Variants in EYS observed in about 807,000 individuals in gnomAD.
EYS encodes the protein protein eyes shut homolog.
A neutral mutation model predicts 282.1 loss-of-function variants in EYS; 250 were observed. The ratio of observed to expected loss-of-function variants is 0.89; its 90% CI spans 0.80 to 0.98. The LOEUF is 0.98. Ranked by LOEUF, EYS falls within the 50% of genes least tolerant of loss-of-function variation. EYS has a pLI of 0.00. For synonymous variants in EYS, 1,355 were observed against 1,282.9 expected, an observed-to-expected ratio of 1.06 and a Z score of -1.20; for missense variants, 4,016 against 3,709.0, an observed-to-expected ratio of 1.08 and a Z score of -2.15.
chr6:63,798,985 G>GTATATATC (rs1211498823), intron 37 of EYS, among the ~76,000 whole-genome samples: 1 of 87,570 alleles, frequency 1.1e-5, no homozygotes. Context: ...ATGTATATGT[G>GTATATATC]TGTATATATA....
chr6:64,546,115 C>T (rs1273473906), intron 26 of EYS, among the ~76,000 whole-genome samples: 2 of 152,180 alleles, frequency 1.3e-5, no homozygotes, highest in Non-Finnish European at 2.9e-5. Flanking sequence ...TACCTGACTT[C>T]AAACTATACT....
chr6:64,372,253 C>A (rs1365714627), intron 29 of EYS, among the ~76,000 whole-genome samples: 1 of 149,004 alleles, frequency 6.7e-6, no homozygotes, highest in Non-Finnish European at 1.5e-5. Context: ...ATTCTCTCAG[C>A]ATTTGATTGG....
intron 12 of EYS, among the ~76,000 whole-genome samples, chr6:65,085,380 A>C (rs1165935927): frequency 6.6e-6 from 1 of 152,102 alleles, no homozygotes; most frequent in East Asian, 1.9e-4. Context: ...ATGATTTCAT[A>C]TTTGAACCTC....
At chr6:64,732,110 A>G (rs1341888834) in intron 22 of EYS, among the ~76,000 whole-genome samples, 1 of 152,104 alleles carries the variant, frequency 6.6e-6, no homozygotes, top group Non-Finnish European at 1.5e-5. Flanking sequence ...GAGTTGAACA[A>G]TGAGAACACA....
intron 15 of EYS, among the ~76,000 whole-genome samples, chr6:64,928,877 C>T (rs1485783723): frequency 1.3e-5 from 2 of 151,972 alleles, no homozygotes; most frequent in East Asian, 1.9e-4. Context: ...GAATATGTTT[C>T]TATGCAGTTC....
chr6:64,590,072 A>G (rs1307813886), intron 26 of EYS, 151 bp downstream of exon 26: 9 of 640,238 alleles, frequency 1.4e-5, no homozygotes, highest in Admixed American at 6.0e-5. Flanking sequence ...TGTGTCAGGT[A>G]CAACAGCAGG....
chr6:64,348,494 C>T (rs989287887), intron 29 of EYS, among the ~76,000 whole-genome samples: 1 of 151,386 alleles, frequency 6.6e-6, no homozygotes, highest in African/African-American at 2.4e-5. Flanking sequence ...CTGAAATTGC[C>T]AAACACTGTG....
At chr6:63,987,825 AT>A (rs1408209880) in intron 34 of EYS, among the ~76,000 whole-genome samples, 1 of 151,622 alleles carries the variant, frequency 6.6e-6, no homozygotes, top group East Asian at 1.9e-4. Context: ...GCCCAGCAAT[AT>A]TGCTTTACAT....
chr6:63,992,394 A>G (rs1767644202), intron 34 of EYS, among the ~76,000 whole-genome samples: 1 of 151,728 alleles, frequency 6.6e-6, no homozygotes, highest in Non-Finnish European at 1.5e-5. Context: ...TGCTAACTTT[A>G]GGAATTTAGA....
At chr6:63,968,184 C>T (rs1188578362) in intron 35 of EYS, among the ~76,000 whole-genome samples, 1 of 152,104 alleles carries the variant, frequency 6.6e-6, no homozygotes, top group Non-Finnish European at 1.5e-5. Context: ...TTTAATTTGA[C>T]ATTTATCTGC....
chr6:65,526,119 G>A (rs1451491629), intron 2 of EYS, among the ~76,000 whole-genome samples: 2 of 152,166 alleles, frequency 1.3e-5, no homozygotes, highest in African/African-American at 4.8e-5. Context: ...GAGAGCAATA[G>A]CATGTCAGTT....
intron 36 of EYS, among the ~76,000 whole-genome samples, chr6:63,830,769 T>C (rs1771609141): frequency 1.3e-5 from 2 of 152,162 alleles, no homozygotes; most frequent in African/African-American, 4.8e-5. Flanking sequence ...AATTGTCAGA[T>C]TCACCAAAGT....
intron 12 of EYS, among the ~76,000 whole-genome samples, chr6:65,093,112 C>T (rs1774623290): frequency 6.6e-6 from 1 of 151,894 alleles, no homozygotes; most frequent in Non-Finnish European, 1.5e-5. Context: ...CAGCAGAAAC[C>T]TTTCAGGCAA....
rs149541842 is a variant in EYS at position 65,315,427 on chromosome 6, T to A, written c.1767-19308A>T. On this transcript the variant is annotated intron_variant, in intron 11 of 42. Transcript: ENST00000503581. The stretch of plus-strand genomic sequence containing the variant: ...ATATTTCCAGTATCCAGAAGTCTTC[T>A]GATGTCTCCTCCCCATCACTACTCC... Among the ~76,000 whole-genome samples, 1,406 of 152,260 alleles carry A rather than the reference T, an allele frequency of 9.2e-3. 25 individuals carry two copies. The highest frequency in any genetic ancestry group is 0.032 in the African/African-American group (1,316 of 41,528).
At chr6:64,038,263 T>C (rs1770218309) in intron 33 of EYS, among the ~76,000 whole-genome samples, 1 of 152,136 alleles carries the variant, frequency 6.6e-6, no homozygotes, top group African/African-American at 2.4e-5. Context: ...GCATGGTGAC[T>C]ACAGTTAGTA....
chr6:65,513,103 G>C (rs1362796593), intron 2 of EYS, among the ~76,000 whole-genome samples: 1 of 151,966 alleles, frequency 6.6e-6, no homozygotes, highest in Non-Finnish European at 1.5e-5. Context: ...AAGGATAAAG[G>C]GGATATCACC....
At chr6:65,370,874 T>C (rs9363352) in intron 8 of EYS, among the ~76,000 whole-genome samples, 61,934 of 151,846 alleles carry the variant, frequency 0.41, 13,818 homozygotes, top group South Asian at 0.5. Context: ...TAGTACCATA[T>C]AAAGAAACAA....
intron 26 of EYS, among the ~76,000 whole-genome samples, chr6:64,489,387 T>G (rs1032309635): frequency 6.6e-6 from 1 of 150,482 alleles, no homozygotes; most frequent in Non-Finnish European, 1.5e-5. Context: ...ACATGTGTAC[T>G]TGTGGTGTGT....
intron 33 of EYS, among the ~76,000 whole-genome samples, chr6:64,062,860 C>G (rs1771226288): frequency 6.6e-6 from 1 of 151,860 alleles, no homozygotes; most frequent in Non-Finnish European, 1.5e-5. Flanking sequence ...TCTTTTTATA[C>G]TTCCAAATTA....
Sources: allele counts gnomAD v4.1 joint callset (sites outside exome capture counted in the v4.1 genomes callset), GRCh38; gene constraint gnomAD v4.1.1; transcripts MANE v1.5; gene names NCBI Gene and HGNC (gene_info 2026-07-23, HGNC 2026-07-21).